XPO4: variants seen among roughly 807,000 people sequenced by gnomAD.
The protein encoded by XPO4 is exportin 4.
In XPO4, 39 loss-of-function variants were observed where a neutral mutation model predicts 143.0. That is an observed-to-expected ratio of 0.27 (90% CI 0.21 to 0.36). The LOEUF is 0.36. XPO4 is among the 10% of genes least tolerant of loss of function. The pLI is 1.00. For synonymous variants in XPO4, 439 were observed against 474.0 expected, an observed-to-expected ratio of 0.93 and a Z score of 0.96; for missense variants, 907 against 1,348.0, an observed-to-expected ratio of 0.67 and a Z score of 5.12.
intron 3 of XPO4, among the ~76,000 whole-genome samples, chr13:20,858,980 C>A (rs2060171047): frequency 6.6e-6 from 1 of 150,890 alleles, no homozygotes; most frequent in South Asian, 2.1e-4. Context: ...ACCCTACAAT[C>A]AACTCTACAA....
At chr13:20,872,524 T>A (rs993330693) in intron 1 of XPO4, among the ~76,000 whole-genome samples, 1 of 152,154 alleles carries the variant, frequency 6.6e-6, no homozygotes, top group Non-Finnish European at 1.5e-5. Context: ...TTATTGAGCA[T>A]TTAGGATACG....
At chr13:20,859,641 G>A (rs1170411058) in intron 3 of XPO4, among the ~76,000 whole-genome samples, 1 of 151,546 alleles carries the variant, frequency 6.6e-6, no homozygotes. Context: ...GCTGGGTGTG[G>A]TGGCACGCAC....
At chr13:20,835,158 C>T (rs1315463248) in intron 6 of XPO4, among the ~76,000 whole-genome samples, 1 of 152,070 alleles carries the variant, frequency 6.6e-6, no homozygotes, top group Non-Finnish European at 1.5e-5. Context: ...TGTTAGCCAC[C>T]ATGTGCTGCC....
rs371624577 is a variant in XPO4 at position 20,862,085 on chromosome 13, C to A, written c.317+632G>T. 8.9e-4 allele frequency among the ~76,000 whole-genome samples: 135 copies of A among 152,190 alleles called. 3 individuals are homozygous for A. The South Asian group carries it at 0.026, about 30-fold the overall frequency. On this transcript the variant is annotated intron_variant, in intron 3 of 22. Coordinates refer to ENST00000255305, the MANE Select transcript of XPO4 (RefSeq NM_022459.5). Reference sequence around the variant, plus strand: ...TACAGGTGTGAGTCACCACACCCAGCCCTCTATGCACATTTCTATGTACAC... The same window carrying A: ...TACAGGTGTGAGTCACCACACCCAGACCTCTATGCACATTTCTATGTACAC...
chr13:20,852,418 T>C, intron 4 of XPO4: 4 of 985,438 alleles, frequency 4.1e-6, no homozygotes, highest in Non-Finnish European at 4.8e-6. Flanking sequence ...ACCACTTCTT[T>C]TTCCCCAGGC....
At chr13:20,833,338 G>A (rs539890677) in intron 6 of XPO4, among the ~76,000 whole-genome samples, 8 of 152,112 alleles carry the variant, frequency 5.3e-5, no homozygotes, top group African/African-American at 1.7e-4. Context: ...CTCAATATCC[G>A]GAGGGGGACT....
chr13:20,874,727 C>CTCA (rs2060335152), intron 1 of XPO4, among the ~76,000 whole-genome samples: 1 of 152,220 alleles, frequency 6.6e-6, no homozygotes, highest in Non-Finnish European at 1.5e-5. Flanking sequence ...GGTGCGGTGG[C>CTCA]TCACGCCTGT....
intron 14 of XPO4, among the ~76,000 whole-genome samples, 190 bp downstream of exon 14, chr13:20,800,641 C>T (rs955849022): frequency 3.3e-5 from 5 of 152,032 alleles, no homozygotes; most frequent in East Asian, 3.9e-4. Flanking sequence ...TTAAAATAAA[C>T]GATATCAAGG....
chr13:20,782,975 G>GAGAAA lies in XPO4; in HGVS notation c.*742_*746dup, dbSNP rs905832303. ...GCACTGGGTTGATGTGAGAGAGAGA[G>GAGAAA]AGAAAAGAAAGAGAGAGACAGAAAG... On this transcript the variant is annotated 3_prime_UTR_variant, in exon 23 of 23. Coordinates refer to ENST00000255305, the MANE Select transcript of XPO4 (RefSeq NM_022459.5). The GAGAAA allele has an allele frequency of 6.6e-6, 1 of 152,478 alleles. No individual in the cohort carries two copies. Among genetic ancestry groups the GAGAAA allele is most frequent in the Admixed American group, 6.5e-5 (1 of 15,268 alleles). The allele number at this position is 152,478 out of a possible 1,614,324, so 9.4% of individuals were successfully genotyped here.
chr13:20,872,798 T>C (rs1325996061), intron 1 of XPO4, among the ~76,000 whole-genome samples: 3 of 130,790 alleles, frequency 2.3e-5, no homozygotes, highest in Non-Finnish European at 3.7e-5. Context: ...TACACTTACA[T>C]AGCTCAAATT....
At chr13:20,889,753 G>A (rs2060493656) in intron 1 of XPO4, among the ~76,000 whole-genome samples, 1 of 152,168 alleles carries the variant, frequency 6.6e-6, no homozygotes, top group East Asian at 1.9e-4. Flanking sequence ...CTGTTTTGCT[G>A]AAACGACATG....
intron 6 of XPO4, among the ~76,000 whole-genome samples, chr13:20,828,826 G>A (rs570735951): frequency 6.6e-6 from 1 of 152,168 alleles, no homozygotes; most frequent in African/African-American, 2.4e-5. Context: ...TAACAATATA[G>A]AGTGAGTTCA....
chr13:20,891,863 C>CAAAA (rs61114008), intron 1 of XPO4, among the ~76,000 whole-genome samples: 1 of 129,246 alleles, frequency 7.7e-6, no homozygotes. Flanking sequence ...ACTCCATCTC[C>CAAAA]AAAAAAAAAA....
In XPO4 at chr13:20,800,833, G is replaced by T. The variant is rs2059423428; in HGVS notation, c.1975C>A (p.Gln659Lys). The T allele has an allele frequency of 6.2e-7, 1 of 1,613,290 alleles. No individual in the cohort carries two copies. The highest frequency in any genetic ancestry group is 1.1e-5 in the South Asian group (1 of 90,920). The change falls in exon 14 of 23, where the codon CAG becomes AAG. Residue 659 changes from glutamine to lysine, a missense_variant and splice_region_variant. Transcript: ENST00000255305. ...YLLVDEKLYD[Q>K]ISLPFSTAFG... is the part of the protein sequence containing the mutation. ...AGTTTTAAGTTTTACATTCTGACCT[G>T]ATCATACAGTTTTTCATCCACCAGG...
chr13:20,822,098 T>C, intron 8 of XPO4, 34 bp downstream of exon 8: 1 of 1,570,002 alleles, frequency 6.4e-7, no homozygotes, highest in Non-Finnish European at 8.6e-7. Context: ...AACGTAGAGC[T>C]CCTTTTTCAG....
chr13:20,885,763 C>A (rs748660751), intron 1 of XPO4, among the ~76,000 whole-genome samples: 4 of 151,840 alleles, frequency 2.6e-5, no homozygotes, highest in African/African-American at 7.3e-5. Flanking sequence ...ATGAAGCAAG[C>A]CTTTGTCTCT....
chr13:20,844,177 G>A (rs2138064339), intron 4 of XPO4, among the ~76,000 whole-genome samples: 1 of 152,194 alleles, frequency 6.6e-6, no homozygotes, highest in East Asian at 1.9e-4. Context: ...GAATTCAAAT[G>A]ATATTTAAAA....
chr13:20,891,684 G>A lies in XPO4; in HGVS notation c.69+10986C>T, dbSNP rs1303607227. On this transcript the variant is annotated intron_variant, in intron 1 of 22. Coordinates refer to ENST00000255305, the MANE Select transcript of XPO4 (RefSeq NM_022459.5). ...TCAAGACCAGCCTGGGCAACATAGT[G>A]AAACCCTGTCTCTACTAAAATACAA... Among the ~76,000 whole-genome samples the A allele has an allele frequency of 4.6e-5, 7 of 151,964 alleles. 1 individual carries two copies. Among genetic ancestry groups the A allele is most frequent in the African/African-American group, 1.4e-4 (6 of 41,468 alleles).
intron 4 of XPO4, chr13:20,849,370 T>C (rs2060061100): frequency 1.0e-6 from 1 of 985,264 alleles, no homozygotes. Context: ...AAAGGAGACT[T>C]AAATGCTAAA....
Sources: allele counts gnomAD v4.1 joint callset (sites outside exome capture counted in the v4.1 genomes callset), GRCh38; gene constraint gnomAD v4.1.1; transcripts MANE v1.5; gene names NCBI Gene and HGNC (gene_info 2026-07-23, HGNC 2026-07-21).